NFIB: variants seen among roughly 807,000 people sequenced by gnomAD.
NFIB encodes nuclear factor 1 B-type.
NFIB carries 11 observed loss-of-function variants against 61.5 expected under a neutral mutation model. The ratio of observed to expected loss-of-function variants is 0.18; its 90% CI spans 0.11 to 0.30. The LOEUF (loss-of-function observed/expected upper bound fraction) is 0.30, where lower values mean the gene tolerates loss of function less well. NFIB is among the 10% of genes least tolerant of loss of function. The pLI is 1.00. For missense variants in NFIB, 471 were observed against 608.9 expected, an observed-to-expected ratio of 0.77 and a Z score of 2.38; for synonymous variants, 260 against 216.5, an observed-to-expected ratio of 1.20 and a Z score of -1.76.
intron 1 of NFIB, among the ~76,000 whole-genome samples, chr9:14,369,579 C>A (rs963375823): frequency 2.6e-5 from 4 of 152,092 alleles, no homozygotes; most frequent in Admixed American, 6.6e-5. Context: ...CTCCCTTCCC[C>A]ACACACACCC....
intron 6 of NFIB, among the ~76,000 whole-genome samples, chr9:14,144,020 G>A (rs2042029299): frequency 6.6e-6 from 1 of 150,892 alleles, no homozygotes; most frequent in South Asian, 2.1e-4. Context: ...GTGTGTGTGT[G>A]TGTGTGTGTG....
chr9:14,388,934 G>T (rs1460085749), intron 1 of NFIB, among the ~76,000 whole-genome samples: 2 of 152,138 alleles, frequency 1.3e-5, no homozygotes, highest in African/African-American at 4.8e-5. Flanking sequence ...TTACAAGGAA[G>T]TTTTTAAAAT....
chr9:14,396,247 G>C (rs925070382), intron 1 of NFIB, among the ~76,000 whole-genome samples: 3 of 150,450 alleles, frequency 2.0e-5, no homozygotes, highest in Non-Finnish European at 4.4e-5. Context: ...TTGGGACAAC[G>C]AACAGGCACA....
chr9:14,373,693 G>T (rs1231606667), intron 1 of NFIB, among the ~76,000 whole-genome samples: 1 of 150,344 alleles, frequency 6.7e-6, no homozygotes, highest in Admixed American at 6.7e-5. Context: ...TTAGAAACAG[G>T]TAGATAAAGA....
At chr9:14,357,673 C>T (rs968969121) in intron 1 of NFIB, 1 of 152,126 alleles carries the variant, frequency 6.6e-6, no homozygotes, top group Non-Finnish European at 1.5e-5. Context: ...CTTATGTCCA[C>T]GTAAAAACCT....
chr9:14,325,053 T>G (rs1184891564), intron 1 of NFIB, among the ~76,000 whole-genome samples: 1 of 152,110 alleles, frequency 6.6e-6, no homozygotes, highest in African/African-American at 2.4e-5. Flanking sequence ...TAAATAAATA[T>G]GCAAAAAACT....
At chr9:14,262,404 C>T (rs557421912) in intron 2 of NFIB, among the ~76,000 whole-genome samples, 15 of 152,230 alleles carry the variant, frequency 9.9e-5, no homozygotes, top group South Asian at 8.3e-4. Context: ...CGAATACACA[C>T]GAAAACATTT....
At chr9:14,428,918 A>G in the NFIB span, among the ~76,000 whole-genome samples, 2 of 152,148 alleles carry the variant, frequency 1.3e-5, no homozygotes, top group African/African-American at 2.4e-5. Context: ...AAAGAAAGAA[A>G]AAGCCCCTGG....
intron 2 of NFIB, among the ~76,000 whole-genome samples, chr9:14,258,833 C>G (rs1046830572): frequency 2.0e-5 from 3 of 152,192 alleles, no homozygotes; most frequent in Non-Finnish European, 2.9e-5. Flanking sequence ...CACATGTATA[C>G]GTGCACACAA....
At chr9:14,508,083 T>C in the NFIB span, among the ~76,000 whole-genome samples, 1 of 151,006 alleles carries the variant, frequency 6.6e-6, no homozygotes, top group Non-Finnish European at 1.5e-5. Flanking sequence ...TAGGCATATA[T>C]AATATTAATA....
chr9:14,123,160 G>A (rs1250479565), intron 7 of NFIB, among the ~76,000 whole-genome samples: 4 of 151,678 alleles, frequency 2.6e-5, no homozygotes, highest in African/African-American at 9.7e-5. Context: ...GGGAGGCTGA[G>A]GCAGGAGAAT....
intron 10 of NFIB, among the ~76,000 whole-genome samples, chr9:14,089,540 C>A (rs957182925): frequency 6.6e-6 from 1 of 152,096 alleles, no homozygotes; most frequent in South Asian, 2.1e-4. Context: ...ACACTCAAAT[C>A]CGAATGAATG....
At chr9:14,427,934 G>GTTGTTTTTTTTTT in the NFIB span, among the ~76,000 whole-genome samples, 1 of 25,946 alleles carries the variant, frequency 3.9e-5, no homozygotes, top group Non-Finnish European at 8.3e-5. Flanking sequence ...CTTTAATTCA[G>GTTGTTTTTTTTTT]TTGTTTTTTT....
At chr9:14,132,049 CT>C (rs1268896439) in intron 6 of NFIB, among the ~76,000 whole-genome samples, 7 of 152,098 alleles carry the variant, frequency 4.6e-5, no homozygotes, top group African/African-American at 1.7e-4. Context: ...TGAAAAATTC[CT>C]TTTCTTCCCT....
chr9:14,170,750 G>A (rs145803161), intron 3 of NFIB, among the ~76,000 whole-genome samples: 10 of 152,224 alleles, frequency 6.6e-5, no homozygotes, highest in South Asian at 6.2e-4. Context: ...TGACTCAGAC[G>A]TCTTTTCACA....
chr9:14,353,740 G>C (rs890493685), intron 1 of NFIB, among the ~76,000 whole-genome samples: 7 of 152,132 alleles, frequency 4.6e-5, no homozygotes, highest in African/African-American at 1.7e-4. Flanking sequence ...AGGAGTCCAC[G>C]GGTCAGATGC....
intron 2 of NFIB, among the ~76,000 whole-genome samples, chr9:14,181,697 C>G (rs187290110): frequency 6.6e-6 from 1 of 152,166 alleles, no homozygotes; most frequent in Non-Finnish European, 1.5e-5. Flanking sequence ...ATTTCTCAAG[C>G]GATTCTAACA....
chr9:14,513,647 AAAAGAAAAAGAAAAAG>A, the NFIB span, among the ~76,000 whole-genome samples: 3 of 113,068 alleles, frequency 2.7e-5, no homozygotes, highest in Non-Finnish European at 4.4e-5. Flanking sequence ...AAAGAAAAAG[AAAAGAAAAAGAAAAAG>A]AAAAAAAAAG....
At chr9:14,503,236 G>A in the NFIB span, among the ~76,000 whole-genome samples, 5 of 151,860 alleles carry the variant, frequency 3.3e-5, no homozygotes, top group African/African-American at 1.2e-4. Flanking sequence ...ATTGCAAATT[G>A]TGCTGCTATA....
Sources: gnomAD v4.1 joint callset for allele counts (sites outside exome capture counted in the v4.1 genomes callset) on GRCh38, gnomAD v4.1.1 for gene constraint, MANE v1.5 for transcripts, NCBI Gene and HGNC (gene_info 2026-07-23, HGNC 2026-07-21) for gene names.